Variants in MAMLD1 observed in about 807,000 individuals in gnomAD.
The protein encoded by MAMLD1 is mastermind-like domain-containing protein 1.
Under a neutral mutation model 45.0 loss-of-function variants are expected in MAMLD1, and 14 were observed. That is an observed-to-expected ratio of 0.31 (90% confidence interval 0.21 to 0.49). The LOEUF (loss-of-function observed/expected upper bound fraction) is 0.49, where lower values mean the gene tolerates loss of function less well. MAMLD1 is among the 20% of genes least tolerant of loss of function. The pLI is 0.99. For synonymous variants in MAMLD1, 254 were observed against 247.8 expected (o/e 1.02, Z -0.24); for missense variants, 543 against 603.6 (o/e 0.90, Z 1.05).
intron 2 of MAMLD1, among the ~76,000 whole-genome samples, chrX:150,461,325 G>A (rs917318493): frequency 8.9e-6 from 1 of 112,714 alleles, no homozygotes; most frequent in African/African-American, 3.2e-5. Flanking sequence ...CATGATGATG[G>A]GATTAGACAG....
chrX:150,371,709 C>G (rs1354271552), intron 1 of MAMLD1, among the ~76,000 whole-genome samples: 2 of 112,158 alleles, frequency 1.8e-5, no homozygotes, highest in Non-Finnish European at 3.8e-5. Flanking sequence ...ATCCGAAATT[C>G]CACTCTCAGC....
At chrX:150,402,041 T>C (rs1489175804) in intron 1 of MAMLD1, among the ~76,000 whole-genome samples, 4 of 110,541 alleles carry the variant, frequency 3.6e-5, no homozygotes, top group African/African-American at 9.9e-5. Flanking sequence ...ACACCAAAAG[T>C]AATGGCAACA....
chrX:150,372,080 G>A (rs1435873547), intron 1 of MAMLD1, among the ~76,000 whole-genome samples: 1 of 111,749 alleles, frequency 8.9e-6, no homozygotes, highest in Non-Finnish European at 1.9e-5. Flanking sequence ...CAGAGCAAAT[G>A]TGGTAAAAAG....
At chrX:150,420,415 G>C (rs1353272377) in intron 1 of MAMLD1, among the ~76,000 whole-genome samples, 1 of 108,267 alleles carries the variant, frequency 9.2e-6, no homozygotes, top group Admixed American at 9.9e-5. Context: ...TAATTTGATC[G>C]TCTAAAGCCT....
chrX:150,437,252 G>A (rs1276544723), intron 1 of MAMLD1, among the ~76,000 whole-genome samples: 2 of 111,854 alleles, frequency 1.8e-5, no homozygotes, highest in East Asian at 2.8e-4. Context: ...TTTGGTTGGG[G>A]TGGGTGCCGG....
At chrX:150,379,403 G>A (rs976424888) in intron 1 of MAMLD1, among the ~76,000 whole-genome samples, 7 of 111,968 alleles carry the variant, frequency 6.3e-5, no homozygotes, top group African/African-American at 2.3e-4. Flanking sequence ...TTTCGTAAGA[G>A]TGAATCCTTC....
chrX:150,389,422 T>C lies in MAMLD1; in HGVS notation c.-64+25892T>C, dbSNP rs190551185. Among the ~76,000 whole-genome samples, 113 of 112,120 alleles carry C rather than the reference T, an allele frequency of 1.0e-3. 1 individual carries two copies. The East Asian group carries it at 0.015, about 15-fold the overall frequency. On this transcript the variant is annotated intron_variant, in intron 1 of 7. Transcript: ENST00000370401. ...GTTTATTACGAAGTGTGTTGTTTAA[T>C]TTCCAAGTATTTGGCGATTTTCTTG...
intron 1 of MAMLD1, among the ~76,000 whole-genome samples, chrX:150,440,323 G>T (rs782298942): frequency 4.9e-4 from 50 of 102,548 alleles, no homozygotes; most frequent in African/African-American, 1.6e-3. Flanking sequence ...GGTCTGCAGG[G>T]TTTTTTTTTT....
intron 2 of MAMLD1, among the ~76,000 whole-genome samples, chrX:150,452,208 C>T (rs1386750429): frequency 8.0e-5 from 9 of 112,070 alleles, no homozygotes; most frequent in African/African-American, 2.9e-4. Context: ...TGTCTCTAGG[C>T]CTTACACAGG....
chrX:150,398,335 GAAGAAGAGGAA>G (rs2033586270), intron 1 of MAMLD1, among the ~76,000 whole-genome samples: 2 of 76,691 alleles, frequency 2.6e-5, no homozygotes, highest in African/African-American at 4.8e-5. Context: ...AGAAGAAGAA[GAAGAAGAGGAA>G]GAGGAAGAGG....
chrX:150,416,859 G>A (rs1426981734), intron 1 of MAMLD1, among the ~76,000 whole-genome samples: 1 of 111,887 alleles, frequency 8.9e-6, no homozygotes, highest in African/African-American at 3.2e-5. Context: ...CATGAGATGG[G>A]ATTTCACATG....
chrX:150,471,985 G>A (rs991725428), intron 4 of MAMLD1, among the ~76,000 whole-genome samples: 3 of 112,124 alleles, frequency 2.7e-5, no homozygotes, highest in African/African-American at 6.5e-5. Context: ...CAGTCAGGTC[G>A]TGAAAGGAAA....
intron 3 of MAMLD1, among the ~76,000 whole-genome samples, chrX:150,466,707 G>A (rs921674317): frequency 8.9e-6 from 1 of 112,020 alleles, no homozygotes; most frequent in African/African-American, 3.2e-5. Context: ...CATTTGCTTG[G>A]GATGCAGTTG....
intron 1 of MAMLD1, among the ~76,000 whole-genome samples, chrX:150,366,178 C>G (rs1280997882): frequency 1.8e-5 from 2 of 112,210 alleles, no homozygotes; most frequent in Non-Finnish European, 1.9e-5. Context: ...GCCTCCGCCC[C>G]TCCTACTTCC....
chrX:150,416,527 TG>T (rs2034252335), intron 1 of MAMLD1, among the ~76,000 whole-genome samples: 2 of 112,044 alleles, frequency 1.8e-5, no homozygotes, highest in South Asian at 7.5e-4. Flanking sequence ...TGCAACAGAA[TG>T]GCTGCCTATA....
intron 1 of MAMLD1, among the ~76,000 whole-genome samples, chrX:150,364,220 C>T (rs1390311285): frequency 8.9e-6 from 1 of 112,728 alleles, no homozygotes; most frequent in East Asian, 2.8e-4. Flanking sequence ...GAGCTGGGCG[C>T]CCGGCGCCGG....
At chrX:150,485,012 A>C (rs2036941714) in intron 5 of MAMLD1, among the ~76,000 whole-genome samples, 1 of 111,652 alleles carries the variant, frequency 9.0e-6, no homozygotes, top group South Asian at 3.8e-4. Context: ...AGAGCACTGG[A>C]GTGAGGGCCT....
At chrX:150,446,333 G>A (rs1045650441) in intron 2 of MAMLD1, among the ~76,000 whole-genome samples, 1 of 111,650 alleles carries the variant, frequency 9.0e-6, no homozygotes, top group Non-Finnish European at 1.9e-5. Context: ...CTTAATCTCT[G>A]GAATTAATAG....
chrX:150,483,546 A>G lies in MAMLD1; in HGVS notation c.2040+9744A>G, dbSNP rs188509256. ...CTCAGTCTTCAAGGCTTGGAGGCCG[A>G]TGAACCCATATTCTTGCACTGGGCA... On this transcript the variant is annotated intron_variant, in intron 5 of 7. Transcript: ENST00000370401. 2.1e-4 allele frequency among the ~76,000 whole-genome samples: 24 copies of G among 112,790 alleles called. No homozygotes were observed. In the East Asian group the frequency reaches 3.6e-3, roughly 17 times the overall value.
Sources: allele counts gnomAD v4.1 joint callset (sites outside exome capture counted in the v4.1 genomes callset), GRCh38; gene constraint gnomAD v4.1.1; transcripts MANE v1.5; gene names NCBI Gene and HGNC (gene_info 2026-07-23, HGNC 2026-07-21).